Variants in CPQ observed in about 807,000 individuals in gnomAD.
CPQ encodes the protein carboxypeptidase Q, also known as Ser-Met dipeptidase.
A neutral mutation model predicts 45.7 loss-of-function variants in CPQ; 37 were observed. The ratio of observed to expected loss-of-function variants is 0.81; its 90% CI spans 0.62 to 1.07. CPQ has a LOEUF of 1.07. CPQ is among the 50% of genes least tolerant of loss of function. The pLI, the probability that CPQ is intolerant of heterozygous loss-of-function variation, is 0.00. For synonymous variants in CPQ, 186 were observed against 205.8 expected (o/e 0.90, Z 0.82); for missense variants, 537 against 572.9 (o/e 0.94, Z 0.64).
intron 4 of CPQ, among the ~76,000 whole-genome samples, chr8:96,908,740 C>T (rs1389934086): frequency 2.3e-5 from 2 of 86,116 alleles, no homozygotes; most frequent in African/African-American, 9.3e-5. Flanking sequence ...CAGTTTTATA[C>T]ACATGCGCAC....
At chr8:97,121,149 G>C (rs1811695406) in intron 7 of CPQ, among the ~76,000 whole-genome samples, 1 of 152,204 alleles carries the variant, frequency 6.6e-6, no homozygotes, top group African/African-American at 2.4e-5. Context: ...TAAAGCAACT[G>C]TCAGGTGCTG....
intron 2 of CPQ, among the ~76,000 whole-genome samples, chr8:96,796,372 T>C (rs1332542120): frequency 1.3e-5 from 2 of 152,230 alleles, no homozygotes; most frequent in Admixed American, 6.5e-5. Context: ...TGAATAATAA[T>C]TCATTATTAA....
At chr8:96,987,520 AGAG>A (rs1157564464) in intron 5 of CPQ, among the ~76,000 whole-genome samples, 1 of 152,210 alleles carries the variant, frequency 6.6e-6, no homozygotes, top group Non-Finnish European at 1.5e-5. Context: ...TAGATGGGTT[AGAG>A]GAGGGACATT....
chr8:97,071,306 A>G (rs1415148594), intron 7 of CPQ, among the ~76,000 whole-genome samples: 1 of 152,178 alleles, frequency 6.6e-6, no homozygotes. Context: ...GTAAGAAAAG[A>G]CAGATAAGAT....
intron 7 of CPQ, among the ~76,000 whole-genome samples, chr8:97,082,542 G>A (rs1362008918): frequency 6.6e-6 from 1 of 152,140 alleles, no homozygotes; most frequent in Non-Finnish European, 1.5e-5. Context: ...GACAAGGAAA[G>A]TCAGCAGTAA....
chr8:96,789,845 G>T (rs1455553643), intron 2 of CPQ, among the ~76,000 whole-genome samples: 1 of 152,172 alleles, frequency 6.6e-6, no homozygotes, highest in Admixed American at 6.6e-5. Context: ...TTTGTTGACG[G>T]ATCTGTGTGC....
intron 6 of CPQ, among the ~76,000 whole-genome samples, chr8:97,060,609 A>G (rs1460468572): frequency 6.6e-6 from 1 of 152,140 alleles, no homozygotes; most frequent in Non-Finnish European, 1.5e-5. Context: ...CTCCTCTTCT[A>G]TGTGCCTCAG....
chr8:96,834,853 GATCTT>G (rs1811505806), intron 2 of CPQ, 115 bp from the exon 3 acceptor site: 1 of 784,280 alleles, frequency 1.3e-6, no homozygotes, highest in Non-Finnish European at 2.0e-6. Context: ...CTAAAACTTT[GATCTT>G]CTTATACCAG....
chr8:97,097,572 C>G (rs1176655335), intron 7 of CPQ, among the ~76,000 whole-genome samples: 1 of 152,170 alleles, frequency 6.6e-6, no homozygotes, highest in Non-Finnish European at 1.5e-5. Context: ...GTAAGTAATG[C>G]TGGCAGCTAC....
chr8:96,728,039 C>T (rs59093198), intron 1 of CPQ, among the ~76,000 whole-genome samples: 95,033 of 151,928 alleles, frequency 0.63, 30,270 homozygotes, highest in East Asian at 0.86. Flanking sequence ...CATTGCCTCA[C>T]CTGCCTGTTC....
At chr8:96,691,894 A>G (rs1264249729) in intron 1 of CPQ, among the ~76,000 whole-genome samples, 2 of 152,152 alleles carry the variant, frequency 1.3e-5, no homozygotes, top group Non-Finnish European at 2.9e-5. Context: ...ATTACTCCAA[A>G]ATATGTCCAA....
intron 1 of CPQ, among the ~76,000 whole-genome samples, chr8:96,650,912 C>A (rs1815569645): frequency 6.6e-6 from 1 of 152,036 alleles, no homozygotes; most frequent in Non-Finnish European, 1.5e-5. Context: ...GCAAATAATC[C>A]CTTTATAAAA....
intron 6 of CPQ, among the ~76,000 whole-genome samples, chr8:97,050,106 C>T (rs1215382740): frequency 6.6e-6 from 1 of 152,184 alleles, no homozygotes; most frequent in Non-Finnish European, 1.5e-5. Context: ...TGGCTGGCTA[C>T]ACCAGTCTTT....
At chr8:96,805,140 A>G (rs1028204719) in intron 2 of CPQ, among the ~76,000 whole-genome samples, 3 of 152,222 alleles carry the variant, frequency 2.0e-5, no homozygotes, top group African/African-American at 7.2e-5. Flanking sequence ...CTGATCATAA[A>G]AGCAATGTGC....
intron 7 of CPQ, among the ~76,000 whole-genome samples, chr8:97,098,617 A>G (rs1352729559): frequency 6.6e-6 from 1 of 152,170 alleles, no homozygotes; most frequent in Non-Finnish European, 1.5e-5. Context: ...TATGTCCTCA[A>G]GCATGGCACA....
chr8:96,966,660 G>C (rs191001375), intron 5 of CPQ, among the ~76,000 whole-genome samples: 1 of 152,266 alleles, frequency 6.6e-6, no homozygotes, highest in East Asian at 1.9e-4. Flanking sequence ...ATGTCCCCTG[G>C]GGGGCCAGGG....
At chr8:97,087,991 A>G (rs989111956) in intron 7 of CPQ, among the ~76,000 whole-genome samples, 1 of 152,190 alleles carries the variant, frequency 6.6e-6, no homozygotes, top group African/African-American at 2.4e-5. Flanking sequence ...TTTTATCAAG[A>G]GATATTTGAC....
intron 7 of CPQ, among the ~76,000 whole-genome samples, chr8:97,123,143 TAAAATAA>T (rs1460373678): frequency 4.8e-5 from 2 of 41,982 alleles, no homozygotes; most frequent in African/African-American, 2.4e-4. Flanking sequence ...TAAAATAAAA[TAAAATAA>T]ATAAAATAAA....
chr8:96,797,102 A>G (rs1810940666), intron 2 of CPQ, among the ~76,000 whole-genome samples: 1 of 152,208 alleles, frequency 6.6e-6, no homozygotes, highest in Admixed American at 6.5e-5. Flanking sequence ...GGCCTTTGTC[A>G]GAAAACTGCC....
Sources: allele counts gnomAD v4.1 joint callset (sites outside exome capture counted in the v4.1 genomes callset), GRCh38; gene constraint gnomAD v4.1.1; transcripts MANE v1.5; gene names NCBI Gene and HGNC (gene_info 2026-07-23, HGNC 2026-07-21).